The following CP variants were observed in gnomAD, a reference collection of about 807,000 sequenced individuals.
CP encodes ceruloplasmin.
A neutral mutation model predicts 122.4 loss-of-function variants in CP; 64 were observed. That is an observed-to-expected ratio of 0.52 (90% CI 0.43 to 0.64). The LOEUF (loss-of-function observed/expected upper bound fraction) is 0.64, where lower values mean the gene tolerates loss of function less well. CP is among the 30% of genes least tolerant of loss of function. CP has a pLI of 0.00. For missense variants in CP, 1,167 were observed against 1,284.4 expected (o/e 0.91, Z 1.40); for synonymous variants, 440 against 436.4 (o/e 1.01, Z -0.10).
At chr3:149,186,443 A>C in intron 11 of CP, 77 bp downstream of exon 11, 3 of 1,377,970 alleles carry the variant, frequency 2.2e-6, no homozygotes, top group Non-Finnish European at 2.1e-6. Context: ...TTTATCACCC[A>C]ACACATTCTG....
rs143407857 is a variant in CP, at chr3:149,176,355, G to A, written c.3076C>T (p.Leu1026=). ...FDIFPGTYQT[L]EMFPRTPGIW... ...CCAGGTGTTCTTGGAAACATTTCTAGGGTTTGGTATGTTCCAGGGAAAATG... is the reference window on the plus strand; with the variant it reads ...CCAGGTGTTCTTGGAAACATTTCTAAGGTTTGGTATGTTCCAGGGAAAATG... Residue 1026 remains leucine (L), a synonymous_variant, in exon 18 of 19, where the codon CTA becomes TTA. Coordinates refer to ENST00000264613, the MANE Select transcript of CP (RefSeq NM_000096.4). 6.2e-7 allele frequency: 1 copy of A among 1,613,364 alleles called. No individual in the cohort carries two copies.
intron 14 of CP, 30 bp downstream of exon 14, chr3:149,181,975 C>CGGGGGGGGGGGGGGCGGGGGGG: frequency 9.2e-7 from 1 of 1,088,426 alleles, no homozygotes. Context: ...TGTTAAAATG[C>CGGGGGGGGGGGGGGCGGGGGGG]ACCACCCCCA....
chr3:149,177,521 C>T (rs1417024412), intron 17 of CP, among the ~76,000 whole-genome samples: 1 of 152,166 alleles, frequency 6.6e-6, no homozygotes, highest in Non-Finnish European at 1.5e-5. Flanking sequence ...AACTTATGCA[C>T]ATCCTTCCAT....
At chr3:149,180,612 G>A (rs961091128) in intron 14 of CP, among the ~76,000 whole-genome samples, 1 of 152,182 alleles carries the variant, frequency 6.6e-6, no homozygotes, top group Non-Finnish European at 1.5e-5. Flanking sequence ...AGACAACAGA[G>A]ATGGTCTCAA....
At chr3:149,187,835 G>T in intron 10 of CP, 1 of 544,414 alleles carries the variant, frequency 1.8e-6, no homozygotes, top group African/African-American at 1.9e-5. Flanking sequence ...CACACTTTAA[G>T]GACCATTCAT....
chr3:149,209,767 T>C (rs1727983558), intron 3 of CP, among the ~76,000 whole-genome samples: 1 of 152,184 alleles, frequency 6.6e-6, no homozygotes, highest in Non-Finnish European at 1.5e-5. Flanking sequence ...CGTTGTCTTT[T>C]TCATGATGTT....
At chr3:149,187,846 G>A in intron 10 of CP, 1 of 572,542 alleles carries the variant, frequency 1.7e-6, no homozygotes, top group Non-Finnish European at 3.1e-6. Context: ...GACCATTCAT[G>A]TAATTGACAT....
rs1163467714 is a variant in CP, at chr3:149,212,847, G to A, written c.147-149C>T. 3 of 918,760 alleles carry A rather than the reference G, an allele frequency of 3.3e-6. No individual in the cohort carries two copies. In the East Asian group the frequency reaches 8.3e-5, roughly 25 times the overall value. The allele number at this position is 918,760 out of a possible 1,614,324, so 56.9% of individuals were successfully genotyped here. A position where few individuals can be genotyped will look rare whatever the true frequency, so the allele number is the denominator to read the frequency against. On this transcript the variant is annotated intron_variant, in intron 1 of 18. Coordinates refer to ENST00000264613, the MANE Select transcript of CP (RefSeq NM_000096.4). The stretch of plus-strand genomic sequence containing the variant: ...TTGTAGGGATGCCTCCAAAATTGAA[G>A]TGGAGGGCTGGTAGTTAGCCCTGTT...
intron 9 of CP, among the ~76,000 whole-genome samples, chr3:149,188,616 A>C (rs1160595467): frequency 6.6e-6 from 1 of 151,980 alleles, no homozygotes; most frequent in Non-Finnish European, 1.5e-5. Context: ...AGCAGGATGG[A>C]AGCAGATTTG....
At chr3:149,218,503 C>A (rs1034720451) in intron 1 of CP, among the ~76,000 whole-genome samples, 1 of 151,812 alleles carries the variant, frequency 6.6e-6, no homozygotes, top group Non-Finnish European at 1.5e-5. Context: ...TTTTTTTAGT[C>A]CCCCCCAAAA....
At chr3:149,212,212 G>A (rs1374489423) in intron 2 of CP, among the ~76,000 whole-genome samples, 1 of 152,038 alleles carries the variant, frequency 6.6e-6, no homozygotes, top group Non-Finnish European at 1.5e-5. Flanking sequence ...TCGGGAGGCT[G>A]AGGCAGGAGA....
intron 16 of CP, 98 bp downstream of exon 16, chr3:149,178,317 T>C (rs1211195276): frequency 9.9e-7 from 1 of 1,012,778 alleles, no homozygotes; most frequent in African/African-American, 1.6e-5. Context: ...AAGTGGTTTA[T>C]TTTAAGACAA....
At chr3:149,212,244 G>T (rs920296820) in intron 2 of CP, among the ~76,000 whole-genome samples, 28 of 152,034 alleles carry the variant, frequency 1.8e-4, no homozygotes, top group Admixed American at 6.6e-4. Flanking sequence ...CCCGGATGCG[G>T]TGCTTGCAGT....
downstream of CP, chr3:149,171,944 A>G (rs1725035640): frequency 1.7e-6 from 1 of 595,076 alleles, no homozygotes; most frequent in Non-Finnish European, 3.0e-6. Context: ...TGACCTCGTG[A>G]TCTGCCCACC....
intron 9 of CP, among the ~76,000 whole-genome samples, chr3:149,195,387 A>G (rs1726834386): frequency 6.6e-6 from 1 of 152,232 alleles, no homozygotes; most frequent in South Asian, 2.1e-4. Context: ...ACAAAGCTGT[A>G]CATTGTTTTG....
chr3:149,217,638 C>T (rs1316964478), intron 1 of CP, among the ~76,000 whole-genome samples: 5 of 152,182 alleles, frequency 3.3e-5, no homozygotes, highest in Non-Finnish European at 7.4e-5. Flanking sequence ...CTTGAATAAA[C>T]TTGTTAAACT....
chr3:149,206,007 C>T (rs527610771), intron 6 of CP, among the ~76,000 whole-genome samples, 161 bp downstream of exon 6: 32 of 152,316 alleles, frequency 2.1e-4, no homozygotes, highest in African/African-American at 5.8e-4. Context: ...TCATAGTTCT[C>T]AAGCTCAGAC....
intron 9 of CP, among the ~76,000 whole-genome samples, chr3:149,190,656 TAAAA>T (rs146345788): frequency 9.4e-5 from 6 of 64,114 alleles, no homozygotes; most frequent in Non-Finnish European, 1.3e-4. Context: ...AGACTCTGTC[TAAAA>T]AAAAAAAAAA....
At chr3:149,214,127 A>G (rs1238298699) in intron 1 of CP, among the ~76,000 whole-genome samples, 1 of 152,166 alleles carries the variant, frequency 6.6e-6, no homozygotes, top group Non-Finnish European at 1.5e-5. Context: ...TTGAAGATTA[A>G]GAGAGCTGCC....
Sources: gnomAD v4.1 joint callset for allele counts (sites outside exome capture counted in the v4.1 genomes callset) on GRCh38, gnomAD v4.1.1 for gene constraint, MANE v1.5 for transcripts, NCBI Gene and HGNC (gene_info 2026-07-23, HGNC 2026-07-21) for gene names.